ARHGAP32: variants seen among roughly 807,000 people sequenced by gnomAD.
The protein encoded by ARHGAP32 is rho GTPase-activating protein 32.
In ARHGAP32, 51 loss-of-function variants were observed where a neutral mutation model predicts 186.5. The observed-to-expected ratio is 0.27, with a 90% CI of 0.22 to 0.35. The LOEUF (loss-of-function observed/expected upper bound fraction) is 0.35, where lower values mean the gene tolerates loss of function less well. ARHGAP32 is among the 10% of genes least tolerant of loss of function. The pLI is 1.00. For synonymous variants in ARHGAP32, 950 were observed against 964.3 expected (o/e 0.99, Z 0.27); for missense variants, 2,186 against 2,623.5 (o/e 0.83, Z 3.64).
At chr11:129,062,382 A>C in intron 9 of ARHGAP32, 25 bp from the exon 10 acceptor site, 3 of 1,595,958 alleles carry the variant, frequency 1.9e-6, no homozygotes, top group Non-Finnish European at 2.6e-6. Flanking sequence ...ATTTTAAGCA[A>C]AATGGTTTTA....
At chr11:129,252,662 C>CGTT (rs1945200823) in intron 1 of ARHGAP32, among the ~76,000 whole-genome samples, 1 of 152,122 alleles carries the variant, frequency 6.6e-6, no homozygotes, top group Non-Finnish European at 1.5e-5. Context: ...CGTGAATTTG[C>CGTT]ATTAAAGCAA....
chr11:129,005,683 T>C (rs1480093980), intron 11 of ARHGAP32, among the ~76,000 whole-genome samples: 1 of 152,208 alleles, frequency 6.6e-6, no homozygotes, highest in Non-Finnish European at 1.5e-5. Context: ...CCTTTCTTTA[T>C]CCTTGACCTT....
chr11:129,149,934 G>C (rs1187839028), intron 2 of ARHGAP32, among the ~76,000 whole-genome samples: 2 of 151,440 alleles, frequency 1.3e-5, no homozygotes, highest in African/African-American at 4.8e-5. Flanking sequence ...CAGAGAAATA[G>C]GTATCATAAA....
chr11:129,240,111 G>A (rs927555407), intron 1 of ARHGAP32, among the ~76,000 whole-genome samples: 21 of 151,518 alleles, frequency 1.4e-4, no homozygotes, highest in African/African-American at 4.6e-4. Context: ...GCGTGATCTC[G>A]GCTCACTGCA....
At chr11:129,042,338 G>A (rs1939631977) in intron 10 of ARHGAP32, among the ~76,000 whole-genome samples, 1 of 152,078 alleles carries the variant, frequency 6.6e-6, no homozygotes, top group Non-Finnish European at 1.5e-5. Flanking sequence ...TTTGTGTAGA[G>A]ATGAGGTATC....
intron 2 of ARHGAP32, among the ~76,000 whole-genome samples, chr11:129,146,976 G>T (rs1260099872): frequency 6.6e-6 from 1 of 151,924 alleles, no homozygotes; most frequent in Non-Finnish European, 1.5e-5. Context: ...TGAGAAAAAA[G>T]GGTCCCTAAC....
At chr11:129,003,437 A>C (rs141648970) in intron 11 of ARHGAP32, among the ~76,000 whole-genome samples, 1 of 152,320 alleles carries the variant, frequency 6.6e-6, no homozygotes, top group East Asian at 1.9e-4. Flanking sequence ...TTTTCTGAAT[A>C]GTTAGAGTAC....
Position 129,247,426 on chromosome 11 carries a change from A to C in ARHGAP32, c.-5+31720T>G, listed in dbSNP as rs545671633. 1.9e-3 allele frequency among the ~76,000 whole-genome samples: 290 copies of C among 152,346 alleles called. 4 individuals are homozygous for C. The highest frequency in any genetic ancestry group is 6.9e-3 in the African/African-American group (285 of 41,574). On this transcript the variant is annotated intron_variant, in intron 1 of 6. Transcript: ENST00000525234. ...AGTAACTACTTTTTTAAGGATTTTA[A>C]AGACACCTCACAAACAACATACATC... is the stretch of plus-strand genomic sequence containing the variant.
chr11:129,118,263 G>A lies in ARHGAP32; in HGVS notation c.444+5183C>T, dbSNP rs1186018471. Among the ~76,000 whole-genome samples the A allele has an allele frequency of 1.3e-5, 2 of 151,870 alleles. 1 individual carries two copies. Among genetic ancestry groups the A allele is most frequent in the South Asian group, 4.1e-4 (2 of 4,826 alleles). On this transcript the variant is annotated intron_variant, in intron 5 of 22. Transcript: ENST00000682385. ...ATATTTGACAAAGTTGGTTTATGAC[G>A]AAGCTAGTTTTTGAGAGGCAAATCC... is the stretch of plus-strand genomic sequence containing the variant.
chr11:129,025,039 T>C (rs1938774893), intron 11 of ARHGAP32, among the ~76,000 whole-genome samples: 1 of 152,196 alleles, frequency 6.6e-6, no homozygotes, highest in Non-Finnish European at 1.5e-5. Context: ...TTTTTACTAA[T>C]ATTAATGTAA....
At chr11:128,993,039 GC>G (rs1427521033) in intron 12 of ARHGAP32, among the ~76,000 whole-genome samples, 2 of 152,134 alleles carry the variant, frequency 1.3e-5, no homozygotes, top group African/African-American at 4.8e-5. Flanking sequence ...AAAGACAACT[GC>G]CTTGTCAGGC....
chr11:129,149,356 G>A (rs773321090), intron 2 of ARHGAP32, among the ~76,000 whole-genome samples: 3 of 152,120 alleles, frequency 2.0e-5, no homozygotes, highest in Admixed American at 6.5e-5. Flanking sequence ...CACACTAAAC[G>A]TATCTACAAC....
chr11:128,988,159 G>A (rs1195737563), intron 12 of ARHGAP32, 34 bp from the exon 13 acceptor site: 2 of 1,526,394 alleles, frequency 1.3e-6, no homozygotes, highest in Non-Finnish European at 1.8e-6. Context: ...AGATGAAATT[G>A]TAGTATTCAC....
At position 129,081,541 on chromosome 11, in the gene ARHGAP32, T is replaced by C. The variant is rs543018408; in HGVS notation, c.531+12080A>G. ...ATCTCAATAGACACAGCAAAAACAT[T>C]TGACAAAATCCAGCATTGCTTTATG... is the stretch of plus-strand genomic sequence containing the variant. On this transcript the variant is annotated intron_variant, in intron 6 of 22. Coordinates refer to ENST00000682385, the MANE Select transcript of ARHGAP32 (RefSeq NM_001378024.1). 4.0e-4 allele frequency among the ~76,000 whole-genome samples: 61 copies of C among 151,820 alleles called. 1 individual carries two copies. Among genetic ancestry groups the C allele is most frequent in the African/African-American group, 1.5e-3 (61 of 41,436 alleles).
At chr11:129,276,974 G>C (rs964410560) in intron 1 of ARHGAP32, among the ~76,000 whole-genome samples, 1 of 152,062 alleles carries the variant, frequency 6.6e-6, no homozygotes, top group African/African-American at 2.4e-5. Context: ...CACAATCATG[G>C]GTTAAATCCG....
At chr11:129,206,860 C>G (rs1412607257) in intron 1 of ARHGAP32, among the ~76,000 whole-genome samples, 1 of 151,880 alleles carries the variant, frequency 6.6e-6, no homozygotes, top group East Asian at 1.9e-4. Context: ...ACCCACCAAC[C>G]CATCATCTAC....
intron 1 of ARHGAP32, among the ~76,000 whole-genome samples, chr11:129,212,898 T>C (rs958388381): frequency 4.6e-5 from 7 of 151,716 alleles, no homozygotes; most frequent in Non-Finnish European, 1.0e-4. Context: ...GACAACAAAA[T>C]TTTAATGTAG....
chr11:128,999,709 G>T (rs913275738), intron 11 of ARHGAP32, among the ~76,000 whole-genome samples: 3 of 152,108 alleles, frequency 2.0e-5, no homozygotes, highest in Non-Finnish European at 2.9e-5. Context: ...AAATAGAAAA[G>T]AACCTACATT....
chr11:129,193,942 GATAA>G (rs1312371098), upstream of ARHGAP32, among the ~76,000 whole-genome samples: 1 of 150,174 alleles, frequency 6.7e-6, no homozygotes, highest in African/African-American at 2.5e-5. Context: ...GAGCTCAAAA[GATAA>G]ATAGGCAAAG....
Sources: gnomAD v4.1 joint callset for allele counts (sites outside exome capture counted in the v4.1 genomes callset) on GRCh38, gnomAD v4.1.1 for gene constraint, MANE v1.5 for transcripts, NCBI Gene and HGNC (gene_info 2026-07-23, HGNC 2026-07-21) for gene names.